FAT3: variants seen among roughly 807,000 people sequenced by gnomAD.
FAT3 encodes the protein protocadherin Fat 3.
Under a neutral mutation model 310.2 loss-of-function variants are expected in FAT3, and 95 were observed. The ratio of observed to expected loss-of-function variants is 0.31; its 90% confidence interval spans 0.26 to 0.36. The LOEUF (loss-of-function observed/expected upper bound fraction) is 0.36. FAT3 is among the 10% of genes least tolerant of loss of function. The probability of loss-of-function intolerance (pLI) is 1.00; values close to 1 mark genes in which losing one functional copy is unlikely to be tolerated. For missense variants in FAT3, 5,408 were observed against 5,715.6 expected (o/e 0.95, Z 1.74); for synonymous variants, 2,314 against 2,192.9 (o/e 1.06, Z -1.54).
intron 2 of FAT3, among the ~76,000 whole-genome samples, chr11:92,410,854 C>T (rs1479797040): frequency 6.6e-6 from 1 of 151,512 alleles, no homozygotes; most frequent in Non-Finnish European, 1.5e-5. Context: ...GGAATATAAT[C>T]TTGGGGACAT....
intron 1 of FAT3, among the ~76,000 whole-genome samples, chr11:92,265,660 A>G (rs1434898376): frequency 2.0e-5 from 3 of 152,112 alleles, no homozygotes; most frequent in Non-Finnish European, 4.4e-5. Context: ...GAGGCTGGTA[A>G]GTCCAAGGTC....
In FAT3 at chr11:92,836,699, A is replaced by G; in HGVS notation, c.10220A>G (p.Glu3407Gly). ...AAAGTTAAGAAGAAATTGGACCGGG[A>G]ACGGGTAAGCTAGTTTAGGACAGTT... ...LVKVKKKLDR[E>G]RVSGYSLLVQ... Residue 3407 changes from glutamate to glycine, a missense_variant, in exon 16 of 28, where the codon GAA becomes GGA. Physicochemically the swap from Glu to Gly is moderately conservative, Grantham distance 98. Transcript: ENST00000525166. The G allele has an allele frequency of 1.9e-6, 3 of 1,613,310 alleles. No homozygotes were observed. The highest frequency in any genetic ancestry group is 2.5e-6 in the Non-Finnish European group (3 of 1,179,596).
At chr11:92,242,017 GA>G (rs1864685679) in intron 1 of FAT3, among the ~76,000 whole-genome samples, 1 of 151,986 alleles carries the variant, frequency 6.6e-6, no homozygotes, top group African/African-American at 2.4e-5. Context: ...CTTGATATAA[GA>G]AAGCTTAGGA....
intron 3 of FAT3, among the ~76,000 whole-genome samples, chr11:92,660,053 C>T (rs1330154831): frequency 1.3e-5 from 2 of 151,992 alleles, no homozygotes; most frequent in Non-Finnish European, 2.9e-5. Flanking sequence ...AGTAAAACCA[C>T]GGCAGACTTA....
intron 3 of FAT3, among the ~76,000 whole-genome samples, chr11:92,665,897 A>G (rs7942138): frequency 0.013 from 2,005 of 152,324 alleles, 50 homozygotes; most frequent in African/African-American, 0.046. Context: ...TAGGCCAGAC[A>G]TAGTGGCTCA....
At chr11:92,699,283 A>T (rs1246011009) in intron 4 of FAT3, among the ~76,000 whole-genome samples, 1 of 152,216 alleles carries the variant, frequency 6.6e-6, no homozygotes, top group Non-Finnish European at 1.5e-5. Context: ...TCAGTATTAA[A>T]TAGATCATTA....
chr11:92,604,090 A>T (rs1363150792), intron 3 of FAT3, among the ~76,000 whole-genome samples: 1 of 152,154 alleles, frequency 6.6e-6, no homozygotes, highest in East Asian at 1.9e-4. Flanking sequence ...CAACATTTGG[A>T]TGTGTTCAAG....
chr11:92,427,575 T>C (rs1950664457), intron 2 of FAT3, among the ~76,000 whole-genome samples: 1 of 152,306 alleles, frequency 6.6e-6, no homozygotes, highest in South Asian at 2.1e-4. Context: ...GTTTTTAGAA[T>C]GAAGGGGTGT....
At chr11:92,684,766 T>C (rs1031456518) in intron 3 of FAT3, among the ~76,000 whole-genome samples, 1 of 152,170 alleles carries the variant, frequency 6.6e-6, no homozygotes, top group African/African-American at 2.4e-5. Flanking sequence ...CCCTATCCCA[T>C]AGAGCCGGTA....
At chr11:92,369,936 ATTGCATT>A (rs1405180390) in intron 2 of FAT3, among the ~76,000 whole-genome samples, 1 of 152,180 alleles carries the variant, frequency 6.6e-6, no homozygotes, top group Non-Finnish European at 1.5e-5. Flanking sequence ...TGTTGAAAGA[ATTGCATT>A]TTTTCTTGGG....
At chr11:92,405,220 T>G (rs2134886832) in intron 2 of FAT3, among the ~76,000 whole-genome samples, 1 of 151,970 alleles carries the variant, frequency 6.6e-6, no homozygotes, top group South Asian at 2.1e-4. Context: ...GGCATGGAGG[T>G]TGCTTCACTC....
chr11:92,347,311 G>T (rs746381488), intron 1 of FAT3, among the ~76,000 whole-genome samples: 3 of 152,122 alleles, frequency 2.0e-5, no homozygotes, highest in Non-Finnish European at 4.4e-5. Flanking sequence ...CTGTCAAGGG[G>T]ACTCTATATT....
intron 3 of FAT3, among the ~76,000 whole-genome samples, chr11:92,639,416 C>T (rs1020487370): frequency 6.6e-6 from 1 of 152,138 alleles, no homozygotes; most frequent in Admixed American, 6.5e-5. Flanking sequence ...ATCACAGAGT[C>T]CTGTAGTTCT....
chr11:92,398,499 C>T (rs1464949142), intron 2 of FAT3, among the ~76,000 whole-genome samples: 3 of 111,970 alleles, frequency 2.7e-5, no homozygotes, highest in African/African-American at 1.0e-4. Context: ...TAACTCCGTC[C>T]CAAAAAAAAA....
At chr11:92,243,793 G>T (rs1177995577) in intron 1 of FAT3, among the ~76,000 whole-genome samples, 2 of 152,000 alleles carry the variant, frequency 1.3e-5, no homozygotes, top group Non-Finnish European at 2.9e-5. Context: ...TTTAGATCCA[G>T]ATTCCAAACC....
intron 22 of FAT3, among the ~76,000 whole-genome samples, chr11:92,872,386 T>C (rs1417342174): frequency 6.6e-6 from 1 of 152,250 alleles, no homozygotes; most frequent in Admixed American, 6.5e-5. Context: ...TTCCCCTACA[T>C]GCTCCACCCA....
intron 2 of FAT3, among the ~76,000 whole-genome samples, chr11:92,508,889 C>G (rs753428365): frequency 6.6e-5 from 10 of 152,126 alleles, no homozygotes; most frequent in Non-Finnish European, 1.0e-4. Context: ...GCTTGAAGAG[C>G]TGAAGGTTAT....
intron 3 of FAT3, among the ~76,000 whole-genome samples, chr11:92,585,530 C>T (rs1265371057): frequency 6.6e-6 from 1 of 151,922 alleles, no homozygotes; most frequent in African/African-American, 2.4e-5. Context: ...GAAAAGTAAA[C>T]ATTCAATTAT....
intron 2 of FAT3, among the ~76,000 whole-genome samples, chr11:92,445,421 T>C (rs1342246362): frequency 4.6e-5 from 7 of 152,022 alleles, no homozygotes; most frequent in Non-Finnish European, 1.5e-5. Context: ...TGGTTTTCAT[T>C]GTTCTCCCAG....
Sources: gnomAD v4.1 joint callset for allele counts (sites outside exome capture counted in the v4.1 genomes callset) on GRCh38, gnomAD v4.1.1 for gene constraint, MANE v1.5 for transcripts, NCBI Gene and HGNC (gene_info 2026-07-23, HGNC 2026-07-21) for gene names.